NALF1: variants seen among roughly 807,000 people sequenced by gnomAD.
NALF1 encodes the protein NALCN channel auxiliary factor 1, also known as family with sequence similarity 155 member A.
A neutral mutation model predicts 48.4 loss-of-function variants in NALF1; 3 were observed. The ratio of observed to expected loss-of-function variants is 0.06; its 90% CI spans 0.03 to 0.16. The LOEUF is 0.16. NALF1 is among the 10% of genes least tolerant of loss of function. The probability of loss-of-function intolerance (pLI) is 1.00; values close to 1 mark genes in which losing one functional copy is unlikely to be tolerated. For missense variants in NALF1, 526 were observed against 571.5 expected (o/e 0.92, Z 0.81); for synonymous variants, 262 against 245.7 (o/e 1.07, Z -0.62).
intron 1 of NALF1, among the ~76,000 whole-genome samples, chr13:107,399,476 G>A (rs1298802642): frequency 6.7e-6 from 1 of 149,854 alleles, no homozygotes; most frequent in African/African-American, 2.5e-5. Context: ...ACAGCATAGA[G>A]GGAAGAAATC....
Position 107,313,255 on chromosome 13 carries a change from T to G in NALF1, c.916-102500A>C, listed in dbSNP as rs542402668. 5.5e-4 allele frequency among the ~76,000 whole-genome samples: 83 copies of G among 152,082 alleles called. 2 individuals are homozygous for G. In the Middle Eastern group the frequency reaches 0.02, roughly 37 times the overall value. On this transcript the variant is annotated intron_variant, in intron 1 of 2. Transcript: ENST00000375915. ...AATTTTTTTTTTAACAGAAATGTAT[T>G]TTCCAGGACTCAAGGCATGAGTTTT... is the stretch of plus-strand genomic sequence containing the variant.
intron 1 of NALF1, among the ~76,000 whole-genome samples, chr13:107,258,806 G>A (rs1203351412): frequency 8.6e-6 from 1 of 116,012 alleles, no homozygotes; most frequent in Non-Finnish European, 1.7e-5. Context: ...AATTGAGGAT[G>A]TTTAGATGAA....
At chr13:107,557,152 A>C (rs1287086423) in intron 1 of NALF1, among the ~76,000 whole-genome samples, 1 of 152,160 alleles carries the variant, frequency 6.6e-6, no homozygotes, top group Non-Finnish European at 1.5e-5. Context: ...TTCTTGAAAA[A>C]AAAATGTTTT....
chr13:107,809,487 T>C (rs959163834), intron 1 of NALF1, among the ~76,000 whole-genome samples: 4 of 152,046 alleles, frequency 2.6e-5, no homozygotes, highest in Admixed American at 6.6e-5. Flanking sequence ...TCAGCAAAAT[T>C]TCAAACTCTA....
chr13:107,224,403 C>T (rs1302945264), intron 1 of NALF1, among the ~76,000 whole-genome samples: 1 of 149,430 alleles, frequency 6.7e-6, no homozygotes, highest in Non-Finnish European at 1.5e-5. Flanking sequence ...ATGATACCTC[C>T]ATTTTTGAAT....
intron 1 of NALF1, among the ~76,000 whole-genome samples, chr13:107,343,004 A>G (rs1882709713): frequency 6.6e-6 from 1 of 152,204 alleles, no homozygotes; most frequent in African/African-American, 2.4e-5. Context: ...AACAGAGACT[A>G]TAACGACACT....
chr13:107,665,045 A>G (rs1880823206), intron 1 of NALF1, among the ~76,000 whole-genome samples: 1 of 152,174 alleles, frequency 6.6e-6, no homozygotes, highest in African/African-American at 2.4e-5. Context: ...TGGTTACTAT[A>G]AGAGGATAAA....
intron 2 of NALF1, among the ~76,000 whole-genome samples, chr13:107,172,294 T>C (rs1455174901): frequency 6.6e-6 from 1 of 152,264 alleles, no homozygotes; most frequent in African/African-American, 2.4e-5. Context: ...CAATTGCTCA[T>C]TTTAATTTCA....
intron 1 of NALF1, among the ~76,000 whole-genome samples, chr13:107,842,172 A>G (rs1194759161): frequency 6.6e-6 from 1 of 152,072 alleles, no homozygotes; most frequent in Non-Finnish European, 1.5e-5. Flanking sequence ...TATCATTGAT[A>G]TAAACATGGC....
chr13:107,457,562 G>A (rs557115538), intron 1 of NALF1, among the ~76,000 whole-genome samples: 1 of 152,310 alleles, frequency 6.6e-6, no homozygotes, highest in South Asian at 2.1e-4. Flanking sequence ...TTCAGATGAT[G>A]CTTAAGGTTT....
intron 1 of NALF1, among the ~76,000 whole-genome samples, chr13:107,433,670 C>T (rs1884419192): frequency 6.7e-6 from 1 of 150,238 alleles, no homozygotes; most frequent in Non-Finnish European, 1.5e-5. Context: ...AGTTAAGGCA[C>T]AAATTCAAAA....
chr13:107,824,300 T>C (rs1354850696), intron 1 of NALF1, among the ~76,000 whole-genome samples: 4 of 152,126 alleles, frequency 2.6e-5, no homozygotes, highest in Non-Finnish European at 5.9e-5. Flanking sequence ...CCCCTAGATA[T>C]ATTTGTTTTG....
intron 1 of NALF1, among the ~76,000 whole-genome samples, chr13:107,288,051 C>T (rs886127183): frequency 2.0e-5 from 3 of 151,880 alleles, no homozygotes; most frequent in Non-Finnish European, 1.5e-5. Flanking sequence ...ATTCAAAAGA[C>T]TTCATTCTTC....
chr13:107,703,272 T>C (rs1421233101), intron 1 of NALF1, among the ~76,000 whole-genome samples: 1 of 152,216 alleles, frequency 6.6e-6, no homozygotes, highest in African/African-American at 2.4e-5. Context: ...TAAATACTTT[T>C]TCCTGCTATA....
At chr13:107,783,042 C>T (rs1202384835) in intron 1 of NALF1, among the ~76,000 whole-genome samples, 61 of 143,910 alleles carry the variant, frequency 4.2e-4, no homozygotes, top group African/African-American at 1.6e-3. Context: ...GCCCGGCCAG[C>T]CGCCCCGACC....
At chr13:107,176,750 A>G (rs1263789957) in intron 2 of NALF1, among the ~76,000 whole-genome samples, 1 of 152,170 alleles carries the variant, frequency 6.6e-6, no homozygotes, top group Non-Finnish European at 1.5e-5. Context: ...AGTAGAGATA[A>G]ATACTAAAAT....
intron 1 of NALF1, among the ~76,000 whole-genome samples, chr13:107,664,581 C>G (rs1413777036): frequency 6.6e-6 from 1 of 152,172 alleles, no homozygotes; most frequent in Non-Finnish European, 1.5e-5. Flanking sequence ...AGTCTATGAA[C>G]CTCTGTCCCA....
chr13:107,539,898 G>A (rs920010491), intron 1 of NALF1, among the ~76,000 whole-genome samples: 6 of 152,036 alleles, frequency 3.9e-5, no homozygotes, highest in African/African-American at 1.4e-4. Context: ...ATACATTACT[G>A]AGACGTATAA....
intron 1 of NALF1, among the ~76,000 whole-genome samples, chr13:107,351,074 T>C (rs991094831): frequency 1.9e-4 from 29 of 152,356 alleles, no homozygotes; most frequent in African/African-American, 5.8e-4. Context: ...CTGAAGCAGA[T>C]ATCAGTGGCC....
Sources: gnomAD v4.1 joint callset for allele counts (sites outside exome capture counted in the v4.1 genomes callset) on GRCh38, gnomAD v4.1.1 for gene constraint, MANE v1.5 for transcripts, NCBI Gene and HGNC (gene_info 2026-07-23, HGNC 2026-07-21) for gene names.